C4orf17: variants seen among roughly 807,000 people sequenced by gnomAD.
The protein encoded by C4orf17 is uncharacterized protein C4orf17.
C4orf17 carries 25 observed loss-of-function variants against 32.0 expected under a neutral mutation model. The ratio of observed to expected loss-of-function variants is 0.78; its 90% CI spans 0.57 to 1.09. The LOEUF is 1.09. C4orf17 is among the 50% of genes least tolerant of loss of function. The pLI, the probability that C4orf17 is intolerant of heterozygous loss-of-function variation, is 0.00. For synonymous variants in C4orf17, 149 were observed against 145.8 expected (o/e 1.02, Z -0.16); for missense variants, 420 against 420.0 (o/e 1.00, Z 0.00).
At chr4:99,517,096 G>A (rs1356838331) in intron 2 of C4orf17, among the ~76,000 whole-genome samples, 4 of 152,132 alleles carry the variant, frequency 2.6e-5, no homozygotes, top group African/African-American at 4.8e-5. Context: ...ACCTAGAGCT[G>A]GCTTGCTCCT....
chr4:99,539,360 C>T lies in C4orf17; in HGVS notation c.826C>T (p.Gln276Ter), dbSNP rs748963943. The T allele has an allele frequency of 6.2e-7, 1 of 1,613,780 alleles. No homozygotes were observed. Among genetic ancestry groups the T allele is most frequent in the South Asian group, 1.1e-5 (1 of 91,056 alleles). ...GCTGACCAGAGATACAGAAGGGGAT[C>T]AACCAACCAGGTAATTAGATATAAT... ...KVLTRDTEGD[Q>*]PTRVSSQGSE... The change falls in exon 7 of 9, where the codon CAA becomes TAA. Residue 276 changes from glutamine to a stop codon, truncating the protein, a stop_gained. Coordinates refer to ENST00000326581, the MANE Select transcript of C4orf17 (RefSeq NM_032149.3). LOFTEE classifies it high-confidence loss of function.
chr4:99,534,464 A>G (rs971667104), intron 5 of C4orf17, among the ~76,000 whole-genome samples: 1 of 152,174 alleles, frequency 6.6e-6, no homozygotes, highest in African/African-American at 2.4e-5. Flanking sequence ...TCTTTATAAC[A>G]AAATAATTTA....
At chr4:99,528,411 T>C (rs554930364) in intron 4 of C4orf17, among the ~76,000 whole-genome samples, 1 of 152,320 alleles carries the variant, frequency 6.6e-6, no homozygotes, top group East Asian at 1.9e-4. Flanking sequence ...ATCTTTCTAA[T>C]ATATGTATTT....
intron 6 of C4orf17, among the ~76,000 whole-genome samples, chr4:99,538,714 AT>A (rs1047698467): frequency 3.3e-5 from 5 of 152,356 alleles, no homozygotes; most frequent in African/African-American, 7.2e-5. Context: ...CAGAAAAAAA[AT>A]AATCAATAAA....
rs1301342834 is a variant in C4orf17 at position 99,511,052 on chromosome 4, G to A, written c.-314G>A. The A allele has an allele frequency of 6.6e-6, 1 of 152,222 alleles. No individual in the cohort carries two copies. Among genetic ancestry groups the A allele is most frequent in the African/African-American group, 2.4e-5 (1 of 41,562 alleles). 9.4% of individuals were successfully genotyped at this position (152,222 alleles called of 1,614,324 possible). On this transcript the variant is annotated 5_prime_UTR_variant, in exon 1 of 9. Transcript: ENST00000326581. The stretch of plus-strand genomic sequence containing the variant: ...TCTTAACAACCAGGGAGCCACACAG[G>A]CTCCTTGGAGTAAGAGTGTGAGAAA...
chr4:99,526,147 T>C (rs992906094), intron 4 of C4orf17, among the ~76,000 whole-genome samples: 1 of 152,238 alleles, frequency 6.6e-6, no homozygotes, highest in Non-Finnish European at 1.5e-5. Flanking sequence ...ATGACCTTTA[T>C]ATGGCTGAGA....
intron 8 of C4orf17, chr4:99,541,701 T>C: frequency 1.9e-6 from 1 of 517,830 alleles, no homozygotes; most frequent in Non-Finnish European, 3.4e-6. Flanking sequence ...AAGGAACATA[T>C]CCTGCATGTT....
At chr4:99,522,425 T>C in intron 2 of C4orf17, 75 bp from the exon 3 acceptor site, 2 of 1,117,434 alleles carry the variant, frequency 1.8e-6, no homozygotes, top group Non-Finnish European at 2.6e-6. Flanking sequence ...AAATTGTTGA[T>C]CATTCAAAGA....
intron 5 of C4orf17, among the ~76,000 whole-genome samples, chr4:99,534,273 A>G (rs1578194839): frequency 6.6e-6 from 1 of 152,160 alleles, no homozygotes; most frequent in African/African-American, 2.4e-5. Flanking sequence ...GCTGAGGATA[A>G]TAGCTTCCAC....
intron 8 of C4orf17, chr4:99,541,694 G>T: frequency 2.0e-6 from 1 of 495,574 alleles, no homozygotes; most frequent in Admixed American, 3.9e-5. Context: ...GAGAGTGAAG[G>T]AACATATCCT....
chr4:99,539,559 G>A (rs1267222732), intron 7 of C4orf17, among the ~76,000 whole-genome samples, 189 bp downstream of exon 7: 1 of 152,062 alleles, frequency 6.6e-6, no homozygotes, highest in Non-Finnish European at 1.5e-5. Context: ...CAATTCTATT[G>A]TTTAGAACAT....
At position 99,513,097 on chromosome 4, in the gene C4orf17, C is replaced by T; in HGVS notation, c.16C>T (p.Pro6Ser). 6.2e-7 allele frequency: 1 copy of T among 1,613,808 alleles called. No homozygotes were observed. ...CACCACAAACATGAACCTCAACCCC[C>T]CGACATCTGCTCTTCAGATCGAGGG... MNLNP[P>S]TSALQIEGKG... The change falls in exon 2 of 9, where the codon CCG (proline) becomes TCG (serine). Residue 6 changes from proline to serine, a missense_variant. Physicochemically the swap from Pro to Ser is moderately conservative, Grantham distance 74. Coordinates refer to ENST00000326581, the MANE Select transcript of C4orf17 (RefSeq NM_032149.3).
At chr4:99,520,445 A>G (rs1193657262) in intron 2 of C4orf17, among the ~76,000 whole-genome samples, 1 of 152,232 alleles carries the variant, frequency 6.6e-6, no homozygotes, top group Non-Finnish European at 1.5e-5. Flanking sequence ...AAAAACAAAT[A>G]GTATTACATT....
At chr4:99,522,347 AT>A (rs34420658) in intron 2 of C4orf17, among the ~76,000 whole-genome samples, 152 bp from the exon 3 acceptor site, 14 of 148,406 alleles carry the variant, frequency 9.4e-5, no homozygotes, top group Non-Finnish European at 1.6e-4. Context: ...TCATAATACA[AT>A]TTTTTTTTTT....
intron 3 of C4orf17, among the ~76,000 whole-genome samples, chr4:99,522,964 T>C (rs1465498413): frequency 6.6e-6 from 1 of 152,202 alleles, no homozygotes; most frequent in Non-Finnish European, 1.5e-5. Flanking sequence ...CTTTAATCCC[T>C]ACAAAACTAG....
intron 2 of C4orf17, among the ~76,000 whole-genome samples, chr4:99,522,237 G>A (rs1723297728): frequency 6.6e-6 from 1 of 151,994 alleles, no homozygotes; most frequent in Non-Finnish European, 1.5e-5. Flanking sequence ...CAACATCGAC[G>A]ATGTGGTCTG....
At position 99,537,267 on chromosome 4, in the gene C4orf17, G is replaced by A. The variant is rs143847102; in HGVS notation, c.547-402G>A. Among the ~76,000 whole-genome samples the A allele has an allele frequency of 5.9e-3, 897 of 152,268 alleles. 1 individual carries two copies. Among genetic ancestry groups the A allele is most frequent in the Non-Finnish European group, 0.01 (705 of 68,018 alleles). ...GAGTGTGAGCTGCTCAGGGCAAGCCGCAGTGACAAACCTCTCTTGGTGCAC... is the reference window on the plus strand; with the variant it reads ...GAGTGTGAGCTGCTCAGGGCAAGCCACAGTGACAAACCTCTCTTGGTGCAC... On this transcript the variant is annotated intron_variant, in intron 5 of 8. Coordinates refer to ENST00000326581, the MANE Select transcript of C4orf17 (RefSeq NM_032149.3).
intron 2 of C4orf17, among the ~76,000 whole-genome samples, chr4:99,514,832 A>G (rs1723151214): frequency 6.6e-6 from 1 of 152,262 alleles, no homozygotes; most frequent in Admixed American, 6.5e-5. Flanking sequence ...ACAGTTCACA[A>G]TTACAAAGAT....
intron 3 of C4orf17, among the ~76,000 whole-genome samples, chr4:99,523,409 C>G (rs1578189963): frequency 6.6e-6 from 1 of 152,156 alleles, no homozygotes; most frequent in African/African-American, 2.4e-5. Context: ...AAATATATCT[C>G]TAAAGATAGC....
Sources: gnomAD v4.1 joint callset for allele counts (sites outside exome capture counted in the v4.1 genomes callset) on GRCh38, gnomAD v4.1.1 for gene constraint, MANE v1.5 for transcripts, NCBI Gene and HGNC (gene_info 2026-07-23, HGNC 2026-07-21) for gene names.